ADGRE3: variants seen among roughly 807,000 people sequenced by gnomAD.
ADGRE3 encodes the protein EGF-like module receptor 3.
ADGRE3 carries 88 observed loss-of-function variants against 80.1 expected under a neutral mutation model. That is an observed-to-expected ratio of 1.10 (90% CI 0.93 to 1.31). The LOEUF is 1.31. Ranked by LOEUF, ADGRE3 falls within the 40% of genes most tolerant of loss-of-function variation. The probability of loss-of-function intolerance (pLI) is 0.00; values close to 1 mark genes in which losing one functional copy is unlikely to be tolerated. For synonymous variants in ADGRE3, 281 were observed against 294.8 expected (o/e 0.95, Z 0.48); for missense variants, 715 against 776.5 (o/e 0.92, Z 0.94).
intron 13 of ADGRE3, 123 bp from the exon 14 acceptor site, chr19:14,630,330 G>C (rs1970847698): frequency 1.5e-6 from 1 of 663,558 alleles, no homozygotes; most frequent in Non-Finnish European, 2.2e-6. Context: ...ATGGAAGCCA[G>C]CACTGGCTAC....
At chr19:14,641,686 G>A (rs1971255804) in intron 9 of ADGRE3, 70 bp from the exon 10 acceptor site, 1 of 1,564,136 alleles carries the variant, frequency 6.4e-7, no homozygotes, top group Non-Finnish European at 8.7e-7. Context: ...CCTTGAACTG[G>A]GGCATCCTAG....
chr19:14,638,177 C>A lies in ADGRE3; in HGVS notation c.1412G>T (p.Gly471Val), dbSNP rs752049041. 2 of 1,613,960 alleles carry A rather than the reference C, an allele frequency of 1.2e-6. No individual in the cohort carries two copies. The highest frequency in any genetic ancestry group is 1.7e-6 in the Non-Finnish European group (2 of 1,180,008). ...RLMKWIMFPV[G>V]YGVPAVTVAI... The stretch of plus-strand genomic sequence containing the variant: ...CACAGTCACAGCGGGAACGCCATAG[C>A]CGACTGGGAACATGATCCACTTCAT... The change falls in exon 11 of 16, where the codon GGC becomes GTC. Residue 471 changes from glycine (G) to valine (V), a missense_variant. Gly to Val is a moderately radical substitution (Grantham distance 109). Coordinates refer to ENST00000253673, the MANE Select transcript of ADGRE3 (RefSeq NM_032571.5).
downstream of ADGRE3, among the ~76,000 whole-genome samples, chr19:14,614,883 C>T (rs1320096403): frequency 9.5e-6 from 1 of 104,972 alleles, no homozygotes. Context: ...TGTGCCCGGC[C>T]CCCATTTTTT....
At chr19:14,612,272 G>A in the ADGRE3 span, among the ~76,000 whole-genome samples, 1 of 152,112 alleles carries the variant, frequency 6.6e-6, no homozygotes, top group African/African-American at 2.4e-5. Flanking sequence ...GCTTGTAGAT[G>A]ATCCTCTTCT....
rs770861623 is a variant in ADGRE3, at chr19:14,651,118, G to A, written c.664C>T (p.Arg222Cys). Reference sequence around the variant, plus strand: ...TCTCCCTGGATGATGTCACTGCAACGGATGTCCATTGAGTTCATTTGGACG... The same window carrying A: ...TCTCCCTGGATGATGTCACTGCAACAGATGTCCATTGAGTTCATTTGGACG... ...LNVQMNSMDI[R>C]CSDIIQGDTQ... Residue 222 changes from arginine (R) to cysteine (C), a missense_variant, in exon 7 of 16, where the codon CGT becomes TGT. Arg to Cys is a radical substitution (Grantham distance 180, BLOSUM62 -3). Transcript: ENST00000253673. The A allele has an allele frequency of 6.2e-5, 100 of 1,613,898 alleles. No individual in the cohort carries two copies. The highest frequency in any genetic ancestry group is 5.1e-6 in the Non-Finnish European group (6 of 1,179,958).
At chr19:14,611,371 C>CTTTTTTTTT in the ADGRE3 span, among the ~76,000 whole-genome samples, 7 of 75,958 alleles carry the variant, frequency 9.2e-5, no homozygotes, top group African/African-American at 3.4e-4. Flanking sequence ...AACTTCTATC[C>CTTTTTTTTT]TTTTTTTTTT....
chr19:14,653,714 A>G (rs1175020245), intron 6 of ADGRE3, among the ~76,000 whole-genome samples: 1 of 151,902 alleles, frequency 6.6e-6, no homozygotes, highest in Non-Finnish European at 1.5e-5. Flanking sequence ...CTGGGACCTC[A>G]TTTGCACACC....
intron 1 of ADGRE3, among the ~76,000 whole-genome samples, chr19:14,670,510 ATAT>A (rs1453776200): frequency 6.6e-6 from 1 of 152,078 alleles, no homozygotes; most frequent in Non-Finnish European, 1.5e-5. Flanking sequence ...TTGATGGGGG[ATAT>A]TATTTCCACC....
At chr19:14,642,505 C>G (rs963009490) in intron 9 of ADGRE3, among the ~76,000 whole-genome samples, 1 of 152,100 alleles carries the variant, frequency 6.6e-6, no homozygotes, top group African/African-American at 2.4e-5. Context: ...GCGGGGGTCT[C>G]TTGTACAGAT....
intron 2 of ADGRE3, among the ~76,000 whole-genome samples, chr19:14,667,691 C>T (rs927013521): frequency 2.0e-5 from 3 of 150,400 alleles, no homozygotes; most frequent in Non-Finnish European, 4.4e-5. Flanking sequence ...GGGTGGGGGG[C>T]GTGGGGAGGG....
chr19:14,600,432 C>T, the ADGRE3 span, among the ~76,000 whole-genome samples: 4 of 152,238 alleles, frequency 2.6e-5, no homozygotes, highest in African/African-American at 9.6e-5. Context: ...TTATCTCTAA[C>T]ATGAAAATAC....
intron 7 of ADGRE3, among the ~76,000 whole-genome samples, chr19:14,649,032 C>T (rs963820019): frequency 3.4e-5 from 5 of 148,932 alleles, no homozygotes. Context: ...ACATCTCTCT[C>T]TTTCCATATA....
the ADGRE3 span, chr19:14,610,139 T>C: frequency 6.2e-7 from 1 of 1,605,406 alleles, no homozygotes; most frequent in Non-Finnish European, 8.5e-7. Context: ...GCACCTGGAA[T>C]GATCTCTCTT....
Position 14,674,799 on chromosome 19 carries a change from C to T in ADGRE3, c.-29G>A, listed in dbSNP as rs1172471549. 6.2e-7 allele frequency: 1 copy of T among 1,613,208 alleles called. No homozygotes were observed. ...TGTGGTACGGGTATCCCACGCCAGC[C>T]AGCCCTGGAAGCTCTCTACTGTGCC... On this transcript the variant is annotated 5_prime_UTR_variant, in exon 1 of 16. Coordinates refer to ENST00000253673, the MANE Select transcript of ADGRE3 (RefSeq NM_032571.5).
At position 14,672,178 on chromosome 19, in the gene ADGRE3, G is replaced by A. The variant is rs377106751; in HGVS notation, c.25+2568C>T. Among the ~76,000 whole-genome samples the A allele has an allele frequency of 4.6e-5, 7 of 152,138 alleles. No homozygotes were observed. In the East Asian group the frequency reaches 7.7e-4, roughly 17 times the overall value. ...CTGTTCCTAAAACTCAGGCAGTCTG[G>A]GGGACCATCATGTTTCCTTAAGACT... On this transcript the variant is annotated intron_variant, in intron 1 of 15. Coordinates refer to ENST00000253673, the MANE Select transcript of ADGRE3 (RefSeq NM_032571.5).
At chr19:14,608,848 G>A in the ADGRE3 span, among the ~76,000 whole-genome samples, 1 of 147,336 alleles carries the variant, frequency 6.8e-6, no homozygotes, top group Non-Finnish European at 1.5e-5. Context: ...GGCCCGAGCT[G>A]TAGTGCAGTG....
intron 5 of ADGRE3, among the ~76,000 whole-genome samples, chr19:14,655,879 G>A (rs1417373898): frequency 1.3e-5 from 2 of 152,048 alleles, no homozygotes; most frequent in Admixed American, 6.6e-5. Context: ...CACATGTGGC[G>A]ATGGCTGGAG....
At chr19:14,613,694 A>AT in the ADGRE3 span, among the ~76,000 whole-genome samples, 1 of 150,654 alleles carries the variant, frequency 6.6e-6, no homozygotes, top group African/African-American at 2.5e-5. Flanking sequence ...TTATTAAAAA[A>AT]ATTTTTTTTG....
chr19:14,655,807 T>C (rs908143381), intron 5 of ADGRE3, among the ~76,000 whole-genome samples: 5 of 151,936 alleles, frequency 3.3e-5, no homozygotes, highest in African/African-American at 1.2e-4. Flanking sequence ...TAGTGATAAG[T>C]TTGTTAGAAA....
Sources: gnomAD v4.1 joint callset for allele counts (sites outside exome capture counted in the v4.1 genomes callset) on GRCh38, gnomAD v4.1.1 for gene constraint, MANE v1.5 for transcripts, NCBI Gene and HGNC (gene_info 2026-07-23, HGNC 2026-07-21) for gene names.